Variants in GBP2 observed in about 807,000 individuals in gnomAD.
GBP2 encodes the protein guanylate binding protein 2, also known as guanylate-binding protein 2.
GBP2 carries 54 observed loss-of-function variants against 60.8 expected under a neutral mutation model. The ratio of observed to expected loss-of-function variants is 0.89; its 90% CI spans 0.71 to 1.11. The LOEUF is 1.11. GBP2 is among the 50% of genes most tolerant of loss of function. GBP2 has a pLI of 0.00. For synonymous variants in GBP2, 243 were observed against 256.5 expected, an observed-to-expected ratio of 0.95 and a Z score of 0.50; for missense variants, 665 against 703.3, an observed-to-expected ratio of 0.95 and a Z score of 0.62.
At chr1:89,109,996 G>A (rs1319151931) in intron 9 of GBP2, 126 bp from the exon 10 acceptor site, 3 of 1,014,442 alleles carry the variant, frequency 3.0e-6, no homozygotes, top group African/African-American at 1.6e-5. Context: ...TTTTGCCTTG[G>A]GTAACCAGAA....
chr1:89,108,203 G>T lies in GBP2; in HGVS notation c.1748C>A (p.Ser583Ter). 1 of 1,611,830 alleles carries T rather than the reference G, an allele frequency of 6.2e-7. No individual in the cohort carries two copies. Among genetic ancestry groups the T allele is most frequent in the Non-Finnish European group, 8.5e-7 (1 of 1,178,428 alleles). ...DIWDIQMRSK[S>*]LEPICNIL ...GAGTATGTTACATATTGGCTCCAAT[G>T]ATTTGCTTCTCATCTGGATATCCCA... The change falls in exon 11 of 11, where the codon TCA becomes TAA. Residue 583 changes from serine (S) to a stop codon, truncating the protein, a stop_gained. Transcript: ENST00000370466. LOFTEE classifies it low-confidence loss of function (END_TRUNC).
chr1:89,120,049 CAT>C, intron 4 of GBP2, 128 bp downstream of exon 4: 1 of 650,562 alleles, frequency 1.5e-6, no homozygotes, highest in Admixed American at 2.8e-5. Context: ...AGATGTTCAG[CAT>C]AATGAGATTT....
intron 4 of GBP2, 126 bp from the exon 5 acceptor site, chr1:89,117,899 T>C: frequency 1.3e-6 from 1 of 773,246 alleles, no homozygotes; most frequent in Non-Finnish European, 2.1e-6. Flanking sequence ...AACATTTATT[T>C]ACAGAATTCA....
intron 8 of GBP2, among the ~76,000 whole-genome samples, 184 bp from the exon 9 acceptor site, chr1:89,110,450 A>G (rs1313537953): frequency 3.9e-5 from 6 of 152,238 alleles, no homozygotes; most frequent in Non-Finnish European, 2.9e-5. Flanking sequence ...ATGCCCATCA[A>G]TTAATGAGTG....
chr1:89,114,317 A>G (rs760231224), intron 6 of GBP2, 21 bp from the exon 7 acceptor site: 1 of 1,607,404 alleles, frequency 6.2e-7, no homozygotes, highest in Non-Finnish European at 8.5e-7. Flanking sequence ...GAATTTTTAA[A>G]AAAATGTGAC....
At chr1:89,114,389 T>A (rs1422925986) in intron 6 of GBP2, 93 bp from the exon 7 acceptor site, 9 of 1,391,256 alleles carry the variant, frequency 6.5e-6, no homozygotes, top group Admixed American at 2.4e-5. Context: ...AATAATACTT[T>A]TAAATAAGTT....
Position 89,110,166 on chromosome 1 carries a change from T to C in GBP2, c.1463A>G (p.Glu488Gly), listed in dbSNP as rs769298738. The stretch of plus-strand genomic sequence containing the variant: ...AGAGTGTTTTCAGCTGTTCTCACCT[T>C]CAATCGCTTTTTCCTTTTCTGAGAG... ...QSLSEKEKAI[E>G]VERIKAESAE... Residue 488 changes from glutamate (E) to glycine (G), a missense_variant and splice_region_variant, in exon 9 of 11, where the codon GAA becomes GGA. By Grantham distance (98) the Glu-to-Gly change is moderately conservative. Transcript: ENST00000370466. The C allele has an allele frequency of 6.2e-7, 1 of 1,610,938 alleles. No individual in the cohort carries two copies. The highest frequency in any genetic ancestry group is 2.2e-5 in the East Asian group (1 of 44,842).
chr1:89,125,792 G>C (rs1472976649), intron 1 of GBP2, 71 bp downstream of exon 1: 1 of 152,240 alleles, frequency 6.6e-6, no homozygotes, highest in Non-Finnish European at 1.5e-5. Context: ...GCGGCCTGTT[G>C]TGGGAATGGT....
chr1:89,114,681 T>TA (rs1681233321), intron 6 of GBP2, among the ~76,000 whole-genome samples: 1 of 152,230 alleles, frequency 6.6e-6, no homozygotes. Flanking sequence ...CACTAGTCAC[T>TA]AGTCTGGTGT....
chr1:89,116,286 T>C (rs1187965152), intron 6 of GBP2, among the ~76,000 whole-genome samples: 2 of 152,166 alleles, frequency 1.3e-5, no homozygotes, highest in African/African-American at 2.4e-5. Flanking sequence ...AGTTCTGGGA[T>C]TATAGGCATT....
At chr1:89,114,506 T>C (rs538837033) in intron 6 of GBP2, among the ~76,000 whole-genome samples, 17 of 152,212 alleles carry the variant, frequency 1.1e-4, no homozygotes, top group African/African-American at 3.4e-4. Context: ...TTGAAATGAA[T>C]AGGTTAGGAT....
chr1:89,119,326 A>G (rs908569579), intron 4 of GBP2: 2 of 152,196 alleles, frequency 1.3e-5, no homozygotes, highest in African/African-American at 4.8e-5. Context: ...AGAACTGTGC[A>G]TTACATATAG....
At position 89,117,008 on chromosome 1, in the gene GBP2, A is replaced by T; in HGVS notation, c.852T>A (p.Ile284=). ...HSNVKTLSGG[I]PVNGPRLESL... ...GTGACTCACGAGGCCCATTGACTGG[A>T]ATGCCACCTGAAAGAGTCTTGACAT... The change falls in exon 6 of 11, where the codon ATT becomes ATA. Residue 284 remains isoleucine, a synonymous_variant. Coordinates refer to ENST00000370466, the MANE Select transcript of GBP2 (RefSeq NM_004120.5). The T allele has an allele frequency of 6.2e-7, 1 of 1,614,046 alleles. No homozygotes were observed. Among genetic ancestry groups the T allele is most frequent in the Non-Finnish European group, 8.5e-7 (1 of 1,179,906 alleles).
chr1:89,112,410 A>G, intron 8 of GBP2, 62 bp downstream of exon 8: 2 of 1,396,944 alleles, frequency 1.4e-6, no homozygotes, highest in Non-Finnish European at 2.0e-6. Flanking sequence ...CCTTCTTCCC[A>G]GTGGGCTTTA....
chr1:89,117,082 A>C lies in GBP2; in HGVS notation c.778T>G (p.Phe260Val). Residue 260 changes from phenylalanine (F) to valine (V), a missense_variant, in exon 6 of 11, where the codon TTC becomes GTC. Physicochemically the swap from Phe to Val is conservative, Grantham distance 50. Coordinates refer to ENST00000370466, the MANE Select transcript of GBP2 (RefSeq NM_004120.5). ...QLKEEELNPDFIEQVAEFCSY... is the reference protein window; with the variant it reads ...QLKEEELNPDVIEQVAEFCSY... The stretch of plus-strand genomic sequence containing the variant: ...CAAAATTCTGCAACTTGTTCTATGA[A>C]ATCAGGGTTCAGCTCTTCCTCCTTT... 6.2e-7 allele frequency: 1 copy of C among 1,614,088 alleles called. No homozygotes were observed. The highest frequency in any genetic ancestry group is 8.5e-7 in the Non-Finnish European group (1 of 1,180,000).
At chr1:89,120,327 G>T in intron 3 of GBP2, 39 bp from the exon 4 acceptor site, 2 of 1,464,640 alleles carry the variant, frequency 1.4e-6, no homozygotes, top group Non-Finnish European at 1.9e-6. Flanking sequence ...AGAATGACTA[G>T]CAGAATGTAC....
chr1:89,120,412 A>C, intron 3 of GBP2, 124 bp from the exon 4 acceptor site: 7 of 748,210 alleles, frequency 9.4e-6, no homozygotes, highest in Non-Finnish European at 1.6e-5. Flanking sequence ...TAGGTAACTC[A>C]CTTCCTTATG....
At chr1:89,120,844 A>G (rs1256686904) in intron 3 of GBP2, among the ~76,000 whole-genome samples, 11 of 152,242 alleles carry the variant, frequency 7.2e-5, no homozygotes, top group African/African-American at 2.7e-4. Context: ...CGTCTACTGA[A>G]GTTTATAAGC....
At chr1:89,125,406 A>T (rs905723786) in intron 1 of GBP2, among the ~76,000 whole-genome samples, 2 of 152,194 alleles carry the variant, frequency 1.3e-5, no homozygotes, top group Non-Finnish European at 2.9e-5. Flanking sequence ...ATTTTATAGC[A>T]TGATGTAAAC....
Sources: allele counts gnomAD v4.1 joint callset (sites outside exome capture counted in the v4.1 genomes callset), GRCh38; gene constraint gnomAD v4.1.1; transcripts MANE v1.5; gene names NCBI Gene and HGNC (gene_info 2026-07-23, HGNC 2026-07-21).